CTNNA2: variants seen among roughly 807,000 people sequenced by gnomAD.
The protein encoded by CTNNA2 is catenin alpha-2.
A neutral mutation model predicts 101.0 loss-of-function variants in CTNNA2; 42 were observed. That is an observed-to-expected ratio of 0.42 (90% CI 0.32 to 0.54). The LOEUF (loss-of-function observed/expected upper bound fraction) is 0.54, where lower values mean the gene tolerates loss of function less well. Ranked by LOEUF, CTNNA2 falls within the 20% of genes least tolerant of loss-of-function variation. The probability of loss-of-function intolerance (pLI) is 0.14; values close to 1 mark genes in which losing one functional copy is unlikely to be tolerated. For synonymous variants in CTNNA2, 450 were observed against 456.4 expected (o/e 0.99, Z 0.18); for missense variants, 871 against 1,223.1 (o/e 0.71, Z 4.29).
rs1674342680 is a variant in CTNNA2 at position 80,648,446 on chromosome 2, G to T, written c.*574G>T. On this transcript the variant is annotated 3_prime_UTR_variant, in exon 19 of 19. Coordinates refer to ENST00000402739, the MANE Select transcript of CTNNA2 (RefSeq NM_001282597.3). ...CAGCCTAAAATGCTTCTTTTAATCT[G>T]CATTCTGTTTCCTCTTCTAGTTGTG... 1 of 152,450 alleles carries T rather than the reference G, an allele frequency of 6.6e-6. No homozygotes were observed. The highest frequency in any genetic ancestry group is 2.1e-4 in the South Asian group (1 of 4,828). The allele number at this position is 152,450 out of a possible 1,614,324, so 9.4% of individuals were successfully genotyped here.
chr2:80,481,378 C>G (rs1414341403), intron 9 of CTNNA2, among the ~76,000 whole-genome samples: 1 of 152,020 alleles, frequency 6.6e-6, no homozygotes, highest in African/African-American at 2.4e-5. Flanking sequence ...ATAATAGTAC[C>G]TGCTTCATAG....
At chr2:80,083,667 G>T (rs1699278091) in intron 7 of CTNNA2, among the ~76,000 whole-genome samples, 1 of 152,102 alleles carries the variant, frequency 6.6e-6, no homozygotes, top group South Asian at 2.1e-4. Context: ...CACCAGCCTT[G>T]CTGGAATATT....
intron 2 of CTNNA2, among the ~76,000 whole-genome samples, chr2:79,235,556 C>T (rs1183166593): frequency 1.3e-5 from 2 of 152,102 alleles, no homozygotes; most frequent in East Asian, 1.9e-4. Flanking sequence ...GCAGAGGCCA[C>T]GGTTGACAGA....
Position 79,874,080 on chromosome 2 carries a change from T to C in CTNNA2, c.590T>C (p.Leu197Pro). Residue 197 changes from leucine (L) to proline (P), a missense_variant, in exon 6 of 19, where the codon CTG (leucine) becomes CCG (proline). By Grantham distance (98) the Leu-to-Pro change is moderately conservative. This residue lies in a region of CTNNA2 where 647 missense variants were observed against 831.5 expected (regional missense o/e 0.78). Transcript: ENST00000402739. ...NYVAARRQQE[L>P]KDPHCRDEMA... Reference sequence around the variant, plus strand: ...TTTCATGTGTTACACACACAGGAGCTGAAGGATCCTCACTGTCGGGATGAG... The same window carrying C: ...TTTCATGTGTTACACACACAGGAGCCGAAGGATCCTCACTGTCGGGATGAG... 1 of 1,614,104 alleles carries C rather than the reference T, an allele frequency of 6.2e-7. No individual in the cohort carries two copies. The highest frequency in any genetic ancestry group is 8.5e-7 in the Non-Finnish European group (1 of 1,179,994).
chr2:79,693,403 A>G (rs1027514070), intron 2 of CTNNA2, among the ~76,000 whole-genome samples: 4 of 151,954 alleles, frequency 2.6e-5, no homozygotes, highest in Non-Finnish European at 2.9e-5. Flanking sequence ...GAGTCTACAC[A>G]TTTTGCTGCA....
At chr2:80,163,497 T>G (rs1323295961) in intron 7 of CTNNA2, among the ~76,000 whole-genome samples, 4 of 152,062 alleles carry the variant, frequency 2.6e-5, no homozygotes, top group Non-Finnish European at 5.9e-5. Context: ...TTTTTTTAAT[T>G]TGTTGATGCT....
upstream of CTNNA2, among the ~76,000 whole-genome samples, chr2:79,508,895 A>G (rs1476951800): frequency 1.3e-5 from 2 of 148,990 alleles, no homozygotes; most frequent in Non-Finnish European, 3.0e-5. Context: ...AATTACACAC[A>G]TGGATCCCAA....
chr2:80,469,936 G>T (rs1192956364), intron 9 of CTNNA2, among the ~76,000 whole-genome samples: 1 of 152,040 alleles, frequency 6.6e-6, no homozygotes, highest in Non-Finnish European at 1.5e-5. Context: ...CCTTGAAAAG[G>T]TCCCACTTTT....
chr2:79,935,353 T>TC (rs1406789656), intron 7 of CTNNA2, among the ~76,000 whole-genome samples: 35 of 63,172 alleles, frequency 5.5e-4, no homozygotes, highest in South Asian at 1.6e-3. Flanking sequence ...TCTCTCTCTC[T>TC]TTTTTTTTTT....
At chr2:80,583,782 CAAT>C (rs752853309) in intron 14 of CTNNA2, among the ~76,000 whole-genome samples, 14 of 152,218 alleles carry the variant, frequency 9.2e-5, no homozygotes, top group East Asian at 3.9e-4. Context: ...GACTTCAAGT[CAAT>C]GATGATGGGT....
chr2:80,321,213 T>C (rs967552062), intron 7 of CTNNA2, among the ~76,000 whole-genome samples: 1 of 152,120 alleles, frequency 6.6e-6, no homozygotes, highest in African/African-American at 2.4e-5. Flanking sequence ...AGTAAATATT[T>C]AGTGTATAGA....
chr2:80,532,741 GT>G (rs1430633756), intron 9 of CTNNA2, among the ~76,000 whole-genome samples: 1 of 151,868 alleles, frequency 6.6e-6, no homozygotes, highest in African/African-American at 2.4e-5. Flanking sequence ...TTGTGTGTGT[GT>G]TTTTTTTAAA....
At chr2:79,296,379 G>C (rs1675980176) in intron 2 of CTNNA2, among the ~76,000 whole-genome samples, 1 of 152,084 alleles carries the variant, frequency 6.6e-6, no homozygotes, top group Non-Finnish European at 1.5e-5. Flanking sequence ...TATGCTTCAG[G>C]AAAGAATTAA....
intron 7 of CTNNA2, among the ~76,000 whole-genome samples, chr2:80,053,220 A>G (rs1696992173): frequency 6.6e-6 from 1 of 152,152 alleles, no homozygotes; most frequent in South Asian, 2.1e-4. Flanking sequence ...CTGTTTGTGT[A>G]AGTGTCCATT....
Position 79,827,440 on chromosome 2 carries a change from G to A in CTNNA2, c.299-30573G>A, listed in dbSNP as rs548026213. Among the ~76,000 whole-genome samples the A allele has an allele frequency of 5.3e-5, 8 of 152,306 alleles. 1 individual carries two copies. The East Asian group carries it at 5.8e-4, about 11-fold the overall frequency. ...CTTGCAGACGGAAAATCCACAAGGC[G>A]TCATCCAGAATATTAGCAAGACTTA... is the stretch of plus-strand genomic sequence containing the variant. On this transcript the variant is annotated intron_variant, in intron 3 of 18. Transcript: ENST00000402739.
At chr2:80,080,150 A>T (rs1699045483) in intron 7 of CTNNA2, among the ~76,000 whole-genome samples, 1 of 152,158 alleles carries the variant, frequency 6.6e-6, no homozygotes, top group Non-Finnish European at 1.5e-5. Context: ...GCAGCATTGT[A>T]AAGTGTGGCT....
At chr2:80,079,899 T>A (rs1188784979) in intron 7 of CTNNA2, among the ~76,000 whole-genome samples, 1 of 141,186 alleles carries the variant, frequency 7.1e-6, no homozygotes, top group Non-Finnish European at 1.6e-5. Flanking sequence ...ATAAAATAAA[T>A]AAAATAAAAT....
intron 3 of CTNNA2, among the ~76,000 whole-genome samples, chr2:79,782,789 A>C (rs1674551687): frequency 6.6e-6 from 1 of 152,158 alleles, no homozygotes; most frequent in Non-Finnish European, 1.5e-5. Context: ...ACTACCGGTC[A>C]GTTTGGGGCC....
intron 7 of CTNNA2, among the ~76,000 whole-genome samples, chr2:80,067,660 G>A (rs1698071814): frequency 2.0e-5 from 3 of 152,130 alleles, no homozygotes; most frequent in African/African-American, 4.8e-5. Context: ...TACACAAAAT[G>A]TATAGAAAAG....
Sources: gnomAD v4.1 joint callset for allele counts (sites outside exome capture counted in the v4.1 genomes callset) on GRCh38, gnomAD v4.1.1 for gene constraint, gnomAD v4.1.1 regional missense constraint, MANE v1.5 for transcripts, NCBI Gene and HGNC (gene_info 2026-07-23, HGNC 2026-07-21) for gene names.